Variants in DPYSL2 observed in about 807,000 individuals in gnomAD.
DPYSL2 encodes dihydropyrimidinase like 2.
In DPYSL2, 13 loss-of-function variants were observed where a neutral mutation model predicts 69.9. That is an observed-to-expected ratio of 0.19 (90% CI 0.12 to 0.30). The LOEUF (loss-of-function observed/expected upper bound fraction) is 0.30. Ranked by LOEUF, DPYSL2 falls within the 10% of genes least tolerant of loss-of-function variation. The pLI, the probability that DPYSL2 is intolerant of heterozygous loss-of-function variation, is 1.00. For synonymous variants in DPYSL2, 326 were observed against 359.1 expected, an observed-to-expected ratio of 0.91 and a Z score of 1.04; for missense variants, 587 against 918.9, an observed-to-expected ratio of 0.64 and a Z score of 4.67.
In DPYSL2 at chr8:26,614,290, C is replaced by T. The variant is rs1467341628; in HGVS notation, c.629-9853C>T. 2.0e-5 allele frequency among the ~76,000 whole-genome samples: 3 copies of T among 152,032 alleles called. No homozygotes were observed. The highest frequency in any genetic ancestry group is 7.3e-5 in the African/African-American group (3 of 41,376). On this transcript the variant is annotated intron_variant, in intron 3 of 13. Transcript: ENST00000521913. The surrounding 1 kb of genome is among the most constrained non-coding windows in gnomAD (Gnocchi z 4.9). ...ACTGGGATGTGGCAGGGACAGGTTC[C>T]AGGCACTGGCAGGATGGGGGCCAGT...
intron 3 of DPYSL2, among the ~76,000 whole-genome samples, chr8:26,612,227 C>T (rs1463287845): frequency 1.3e-5 from 2 of 152,172 alleles, no homozygotes; most frequent in African/African-American, 4.8e-5. Context: ...TCTGGGGTGA[C>T]ATCCTGATGC....
At chr8:26,524,801 C>CAAAAAAAAAAAAAAAAAAA (rs753822230) in intron 1 of DPYSL2, among the ~76,000 whole-genome samples, 1 of 41,086 alleles carries the variant, frequency 2.4e-5, no homozygotes, top group Non-Finnish European at 4.0e-5. Flanking sequence ...GACTCTGTCT[C>CAAAAAAAAAAAAAAAAAAA]AAAAAAAAAA....
rs1808306511 is a variant in DPYSL2 at position 26,517,264 on chromosome 8, C to A, written c.354+2585C>A. 6.6e-6 allele frequency among the ~76,000 whole-genome samples: 1 copy of A among 152,150 alleles called. No individual in the cohort carries two copies. The highest frequency in any genetic ancestry group is 1.5e-5 in the Non-Finnish European group (1 of 68,036). Reference sequence around the variant, plus strand: ...CTTCCTTGACCCACATGCCACATGGCTCATGGAAGATGAGAGATGTTGGAC... The same window carrying A: ...CTTCCTTGACCCACATGCCACATGGATCATGGAAGATGAGAGATGTTGGAC... On this transcript the variant is annotated intron_variant, in intron 1 of 13. Coordinates refer to ENST00000521913, the MANE Select transcript of DPYSL2 (RefSeq NM_001197293.3). The surrounding 1 kb of genome is among the most constrained non-coding windows in gnomAD (Gnocchi z 4.2).
At chr8:26,529,161 A>G (rs1180644949) in intron 1 of DPYSL2, among the ~76,000 whole-genome samples, 1 of 152,188 alleles carries the variant, frequency 6.6e-6, no homozygotes, top group Non-Finnish European at 1.5e-5. Flanking sequence ...CATGATTCAT[A>G]TGGCACTACT....
chr8:26,647,708 C>T lies in DPYSL2; in HGVS notation c.1504C>T (p.Arg502Trp), dbSNP rs1803200225. Residue 502 changes from arginine (R) to tryptophan (W), a missense_variant, in exon 11 of 14, where the codon CGG becomes TGG. Arg to Trp is a moderately radical substitution (Grantham distance 101). Transcript: ENST00000521913. This position sits in a 1 kb window ranked among gnomAD's most constrained non-coding sequence, Gnocchi z 5.1. The part of the protein sequence containing the change: ...NAAKVFNLYP[R>W]KGRIAVGSDA... ...AGCCAAAGTCTTCAACCTTTACCCC[C>T]GGAAAGGCCGCATTGCTGTGGGATC... 3.7e-6 allele frequency: 6 copies of T among 1,614,172 alleles called. No individual in the cohort carries two copies. The highest frequency in any genetic ancestry group is 4.2e-6 in the Non-Finnish European group (5 of 1,180,036).
rs923552913 is a variant in DPYSL2, at chr8:26,619,096, G to A, written c.629-5047G>A. Among the ~76,000 whole-genome samples the A allele has an allele frequency of 3.3e-5, 5 of 152,140 alleles. No individual in the cohort carries two copies. Among genetic ancestry groups the A allele is most frequent in the Non-Finnish European group, 5.9e-5 (4 of 68,020 alleles). On this transcript the variant is annotated intron_variant, in intron 3 of 13. Transcript: ENST00000521913. This position sits in a 1 kb window ranked among gnomAD's most constrained non-coding sequence, Gnocchi z 4.8. ...TTCTCTTTTCACTGCTGGTATAGTC[G>A]GGTTGCCAAGGCTGCCCTCTTGGAG...
At chr8:26,561,553 CCA>C (rs1801071407) in intron 1 of DPYSL2, among the ~76,000 whole-genome samples, 1 of 151,754 alleles carries the variant, frequency 6.6e-6, no homozygotes, top group Non-Finnish European at 1.5e-5. Flanking sequence ...CCCCATAATC[CCA>C]CACCCCCACT....
chr8:26,568,294 A>C (rs560576252), intron 1 of DPYSL2, among the ~76,000 whole-genome samples: 2 of 152,264 alleles, frequency 1.3e-5, no homozygotes, highest in South Asian at 4.1e-4. Context: ...GGAGCTGGTA[A>C]AGCATTGGTA....
rs1297340659 is a variant in DPYSL2, at chr8:26,603,380, C to T, written c.628+19397C>T. 2.6e-5 allele frequency among the ~76,000 whole-genome samples: 4 copies of T among 152,276 alleles called. No homozygotes were observed. The East Asian group carries it at 7.7e-4, about 29-fold the overall frequency. On this transcript the variant is annotated intron_variant, in intron 3 of 13. Transcript: ENST00000521913. ...TAGAGACGGGGTTTCACCATATTGG[C>T]CAGGCTGGTCTCGAACTCCTGACCT...
In DPYSL2 at chr8:26,621,566, G is replaced by C. The variant is rs1298275364; in HGVS notation, c.629-2577G>C. 5.3e-5 allele frequency among the ~76,000 whole-genome samples: 8 copies of C among 152,176 alleles called. No individual in the cohort carries two copies. The highest frequency in any genetic ancestry group is 1.2e-4 in the Non-Finnish European group (8 of 68,044). ...TCTAGGCGTTCAGTACCTGCTCAGA[G>C]GGAGTTTACATTCTAGTCAGGGGTC... On this transcript the variant is annotated intron_variant, in intron 3 of 13. Transcript: ENST00000521913. This position sits in a 1 kb window ranked among gnomAD's most constrained non-coding sequence, Gnocchi z 4.9.
intron 7 of DPYSL2, among the ~76,000 whole-genome samples, chr8:26,629,233 TAGAC>T (rs1202266518): frequency 6.6e-6 from 1 of 151,802 alleles, no homozygotes; most frequent in Non-Finnish European, 1.5e-5. Flanking sequence ...ACAACAGACA[TAGAC>T]ACACATGCAT....
At chr8:26,646,187 C>G (rs1248837022) in intron 10 of DPYSL2, among the ~76,000 whole-genome samples, 1 of 137,774 alleles carries the variant, frequency 7.3e-6, no homozygotes, top group Non-Finnish European at 1.6e-5. Flanking sequence ...TTTGGTTGAA[C>G]ATTTATGTTG....
At chr8:26,630,330 A>G (rs1463430180) in intron 7 of DPYSL2, among the ~76,000 whole-genome samples, 3 of 152,152 alleles carry the variant, frequency 2.0e-5, no homozygotes. Context: ...CCATGGCAGC[A>G]TAAGCCATGG....
chr8:26,592,463 T>TTTTTTTTTTGG (rs1491384374), intron 3 of DPYSL2, among the ~76,000 whole-genome samples: 1 of 44,928 alleles, frequency 2.2e-5, no homozygotes, highest in Non-Finnish European at 6.3e-5. Context: ...GGTACATTAG[T>TTTTTTTTTTGG]TTTTTTTTTT....
intron 1 of DPYSL2, chr8:26,577,937 A>G: frequency 8.3e-7 from 1 of 1,201,402 alleles, no homozygotes; most frequent in Non-Finnish European, 1.0e-6. Flanking sequence ...ACTTGAACCG[A>G]GGCTTTTATT....
intron 1 of DPYSL2, among the ~76,000 whole-genome samples, chr8:26,531,073 A>T (rs968973535): frequency 3.3e-5 from 5 of 152,022 alleles, no homozygotes; most frequent in Non-Finnish European, 5.9e-5. Context: ...AAAAAAAAAA[A>T]AAAAAGGTGA....
At chr8:26,615,453 G>A (rs768989538) in intron 3 of DPYSL2, among the ~76,000 whole-genome samples, 2 of 152,134 alleles carry the variant, frequency 1.3e-5, no homozygotes, top group Admixed American at 6.5e-5. Flanking sequence ...GAGGACCGAC[G>A]GGAGAGCTGG....
chr8:26,536,578 G>C (rs1800596182), intron 1 of DPYSL2, among the ~76,000 whole-genome samples: 1 of 152,076 alleles, frequency 6.6e-6, no homozygotes, highest in East Asian at 1.9e-4. Context: ...GGCTGAAAAG[G>C]GAGAATCGCC....
chr8:26,656,844 T>C lies in DPYSL2; in HGVS notation c.*1138T>C, dbSNP rs949419411. 1 of 152,634 alleles carries C rather than the reference T, an allele frequency of 6.6e-6. No individual in the cohort carries two copies. Among genetic ancestry groups the C allele is most frequent in the Non-Finnish European group, 1.5e-5 (1 of 68,078 alleles). 9.5% of individuals were successfully genotyped at this position (152,634 alleles called of 1,614,324 possible). On this transcript the variant is annotated 3_prime_UTR_variant, in exon 14 of 14. Coordinates refer to ENST00000521913, the MANE Select transcript of DPYSL2 (RefSeq NM_001197293.3). ...CCCAGAAGCTTTAGAGGTATGAGGC[T>C]GCAGAACCGGAGAGATTTTCCTCTG...
Sources: gnomAD v4.1 joint callset for allele counts (sites outside exome capture counted in the v4.1 genomes callset) on GRCh38, gnomAD v4.1.1 for gene constraint, Gnocchi (gnomAD v3.1) non-coding constraint, MANE v1.5 for transcripts, NCBI Gene and HGNC (gene_info 2026-07-23, HGNC 2026-07-21) for gene names.